Variants in LIN28B observed in about 807,000 individuals in gnomAD.
The protein encoded by LIN28B is protein lin-28 homolog B.
Under a neutral mutation model 21.9 loss-of-function variants are expected in LIN28B, and 5 were observed. That is an observed-to-expected ratio of 0.23 (90% CI 0.12 to 0.48). The LOEUF (loss-of-function observed/expected upper bound fraction) is 0.48, where lower values mean the gene tolerates loss of function less well. Ranked by LOEUF, LIN28B falls within the 20% of genes least tolerant of loss-of-function variation. LIN28B has a pLI of 0.98. For missense variants in LIN28B, 245 were observed against 310.5 expected (o/e 0.79, Z 1.58); for synonymous variants, 109 against 111.3 (o/e 0.98, Z 0.13).
intron 3 of LIN28B, among the ~76,000 whole-genome samples, chr6:105,054,912 T>C (rs1037426337): frequency 6.6e-6 from 1 of 152,172 alleles, no homozygotes; most frequent in South Asian, 2.1e-4. Flanking sequence ...TATCTTTATT[T>C]TGACCTAATT....
chr6:104,965,477 C>T (rs1256649815), intron 2 of LIN28B, among the ~76,000 whole-genome samples: 2 of 152,160 alleles, frequency 1.3e-5, no homozygotes, highest in Admixed American at 1.3e-4. Context: ...GAGCTGAGAT[C>T]ACTCCATTGC....
At chr6:105,053,719 GT>G in intron 3 of LIN28B, among the ~76,000 whole-genome samples, 1 of 150,512 alleles carries the variant, frequency 6.6e-6, no homozygotes, top group Non-Finnish European at 1.5e-5. Flanking sequence ...GGGTGCGTGT[GT>G]GTGTGTGTGT....
chr6:104,971,582 G>T (rs1769985586), intron 2 of LIN28B, among the ~76,000 whole-genome samples: 1 of 152,106 alleles, frequency 6.6e-6, no homozygotes, highest in African/African-American at 2.4e-5. Flanking sequence ...GGCTACTTAA[G>T]TTTCTGTTGA....
At chr6:104,967,576 CAAAAAAA>C (rs71003462) in intron 2 of LIN28B, among the ~76,000 whole-genome samples, 1 of 60,736 alleles carries the variant, frequency 1.6e-5, no homozygotes, top group Non-Finnish European at 2.9e-5. Flanking sequence ...AACTCCCTCT[CAAAAAAA>C]AAAAAAAAAA....
intron 2 of LIN28B, among the ~76,000 whole-genome samples, chr6:104,999,984 T>C (rs1411950946): frequency 6.6e-6 from 1 of 152,126 alleles, no homozygotes; most frequent in Non-Finnish European, 1.5e-5. Flanking sequence ...AGAAGTTCTT[T>C]GATTTCCTTG....
intron 3 of LIN28B, among the ~76,000 whole-genome samples, chr6:105,047,347 T>C (rs2114377524): frequency 1.3e-5 from 2 of 152,292 alleles, no homozygotes; most frequent in South Asian, 4.2e-4. Context: ...GTATTATTTC[T>C]GAGTGCTCTG....
At chr6:104,973,865 G>T (rs984915780) in intron 2 of LIN28B, among the ~76,000 whole-genome samples, 3 of 152,284 alleles carry the variant, frequency 2.0e-5, no homozygotes, top group Middle Eastern at 3.4e-3. Context: ...AAAGGCTAAT[G>T]ATTTTTCCAA....
At chr6:105,045,176 G>T (rs1771725270) in intron 3 of LIN28B, among the ~76,000 whole-genome samples, 1 of 151,662 alleles carries the variant, frequency 6.6e-6, no homozygotes, top group African/African-American at 2.4e-5. Context: ...ATCTTATATA[G>T]GTAAGCCTGT....
chr6:105,075,660 AC>A, intron 3 of LIN28B, among the ~76,000 whole-genome samples: 1 of 152,224 alleles, frequency 6.6e-6, no homozygotes, highest in South Asian at 2.1e-4. Flanking sequence ...CTTAAAAATA[AC>A]TTTTATAGCC....
intron 2 of LIN28B, among the ~76,000 whole-genome samples, chr6:104,966,960 C>A (rs1769875155): frequency 6.6e-6 from 1 of 151,938 alleles, no homozygotes; most frequent in Non-Finnish European, 1.5e-5. Flanking sequence ...GAGACGGGGT[C>A]TCCCCATGTT....
At chr6:104,958,554 G>A (rs1335644672) in intron 2 of LIN28B, among the ~76,000 whole-genome samples, 1 of 152,094 alleles carries the variant, frequency 6.6e-6, no homozygotes, top group Non-Finnish European at 1.5e-5. Context: ...ATTCTACAGC[G>A]AAATAGTGTT....
At chr6:105,002,697 T>C (rs1372682608) in intron 2 of LIN28B, among the ~76,000 whole-genome samples, 1 of 152,224 alleles carries the variant, frequency 6.6e-6, no homozygotes, top group African/African-American at 2.4e-5. Flanking sequence ...GTCGTCAATA[T>C]TGCTTCATCT....
chr6:104,974,507 AAAAG>A (rs892480437), intron 2 of LIN28B, among the ~76,000 whole-genome samples: 6 of 150,102 alleles, frequency 4.0e-5, no homozygotes, highest in South Asian at 2.1e-4. Flanking sequence ...AAAAAAAAGA[AAAAG>A]AAAAAAAGAA....
At chr6:104,970,431 C>T (rs1408826341) in intron 2 of LIN28B, among the ~76,000 whole-genome samples, 1 of 152,098 alleles carries the variant, frequency 6.6e-6, no homozygotes, top group Non-Finnish European at 1.5e-5. Context: ...GATGGGATTG[C>T]AGTGAATCTC....
chr6:104,991,567 G>T (rs1229643033), intron 2 of LIN28B, among the ~76,000 whole-genome samples: 1 of 150,230 alleles, frequency 6.7e-6, no homozygotes, highest in Non-Finnish European at 1.5e-5. Context: ...CATCCCAGAA[G>T]ATGGGCGGCC....
At chr6:105,043,341 C>CAAAAAAAAAAAAAAAAAAAAAAAAAAAA (rs57532096) in intron 3 of LIN28B, among the ~76,000 whole-genome samples, 1 of 75,384 alleles carries the variant, frequency 1.3e-5, no homozygotes, top group African/African-American at 7.2e-5. Flanking sequence ...GACTCTGTCT[C>CAAAAAAAAAAAAAAAAAAAAAAAAAAAA]AAAAAAAAAA....
intron 2 of LIN28B, among the ~76,000 whole-genome samples, chr6:105,022,080 TAGATTTTTGAGACAAGGGTCTCAAAAAA>T (rs532241110): frequency 2.2e-4 from 34 of 152,196 alleles, no homozygotes; most frequent in African/African-American, 4.1e-4. Flanking sequence ...AGCAGAATTG[TAGATTTTTGAGACAAGGGTCTCAAAAAA>T]AGATTTTTGA....
upstream of LIN28B, among the ~76,000 whole-genome samples, chr6:104,955,848 A>G (rs917756168): frequency 6.6e-6 from 1 of 152,178 alleles, no homozygotes; most frequent in Non-Finnish European, 1.5e-5. Flanking sequence ...AAGGAAATAA[A>G]GTCTTTTTAG....
At chr6:104,977,003 T>C (rs1190795463) in intron 2 of LIN28B, among the ~76,000 whole-genome samples, 1 of 152,200 alleles carries the variant, frequency 6.6e-6, no homozygotes, top group Non-Finnish European at 1.5e-5. Flanking sequence ...ATTTAAGCTC[T>C]TCATGATCTG....
Sources: allele counts gnomAD v4.1 joint callset (sites outside exome capture counted in the v4.1 genomes callset), GRCh38; gene constraint gnomAD v4.1.1; transcripts MANE v1.5; gene names NCBI Gene and HGNC (gene_info 2026-07-23, HGNC 2026-07-21).